VMP1: variants seen among roughly 807,000 people sequenced by gnomAD.
VMP1 encodes vacuole membrane protein 1.
Under a neutral mutation model 56.0 loss-of-function variants are expected in VMP1, and 11 were observed. The observed-to-expected ratio is 0.20, with a 90% CI of 0.12 to 0.32. The LOEUF is 0.32. Ranked by LOEUF, VMP1 falls within the 10% of genes least tolerant of loss-of-function variation. The pLI is 1.00. For synonymous variants in VMP1, 149 were observed against 165.0 expected (o/e 0.90, Z 0.74); for missense variants, 296 against 490.3 (o/e 0.60, Z 3.74).
chr17:59,709,096 T>C (rs1468700212), intron 1 of VMP1, among the ~76,000 whole-genome samples: 1 of 152,186 alleles, frequency 6.6e-6, no homozygotes, highest in Non-Finnish European at 1.5e-5. Flanking sequence ...GTTAAATCAG[T>C]TTGTCAGTTT....
chr17:59,771,795 G>C (rs1466164091), intron 6 of VMP1, among the ~76,000 whole-genome samples: 4 of 151,448 alleles, frequency 2.6e-5, no homozygotes, highest in Non-Finnish European at 5.9e-5. Flanking sequence ...TGCCCAGGCT[G>C]TTCTTGAGCT....
chr17:59,715,283 A>G (rs1215176496), intron 1 of VMP1, among the ~76,000 whole-genome samples: 1 of 152,160 alleles, frequency 6.6e-6, no homozygotes, highest in Non-Finnish European at 1.5e-5. Flanking sequence ...GAGACTGGGT[A>G]ATTTATAAAG....
At chr17:59,823,989 C>T (rs1278012843) in intron 10 of VMP1, among the ~76,000 whole-genome samples, 2 of 152,120 alleles carry the variant, frequency 1.3e-5, no homozygotes, top group Non-Finnish European at 2.9e-5. Flanking sequence ...CCGGGCCGGG[C>T]GCAGAGGCTC....
chr17:59,817,651 T>G, intron 9 of VMP1, 61 bp from the exon 10 acceptor site: 3 of 1,299,232 alleles, frequency 2.3e-6, no homozygotes, highest in African/African-American at 3.0e-5. Flanking sequence ...ACCAGAATTG[T>G]GAATTTATGT....
At chr17:59,832,069 C>A (rs932030686) in intron 10 of VMP1, among the ~76,000 whole-genome samples, 20 of 151,090 alleles carry the variant, frequency 1.3e-4, no homozygotes, top group African/African-American at 4.1e-4. Context: ...TTTAATCTTA[C>A]ATTTGCTGTT....
At chr17:59,744,467 A>C (rs2035348210) in intron 5 of VMP1, among the ~76,000 whole-genome samples, 1 of 150,310 alleles carries the variant, frequency 6.7e-6, no homozygotes, top group African/African-American at 2.4e-5. Flanking sequence ...CATCTCAAAA[A>C]AAAAAAAAAA....
chr17:59,796,760 A>C (rs1156784555), intron 7 of VMP1, among the ~76,000 whole-genome samples: 1 of 152,224 alleles, frequency 6.6e-6, no homozygotes, highest in Non-Finnish European at 1.5e-5. Context: ...CATTCTTTAG[A>C]ACCATCTGTA....
chr17:59,813,006 A>C (rs2038105149), intron 9 of VMP1, among the ~76,000 whole-genome samples: 1 of 152,134 alleles, frequency 6.6e-6, no homozygotes, highest in African/African-American at 2.4e-5. Flanking sequence ...GTCTATCCCC[A>C]AAGTTTCTAT....
Position 59,780,526 on chromosome 17 carries a change from A to G in VMP1, c.714+6641A>G, listed in dbSNP as rs553060400. The stretch of plus-strand genomic sequence containing the variant: ...TCCAGGTTAATGCAATAAAAAGTGA[A>G]GAACTAGTTTTTTCCTCCTATATTG... On this transcript the variant is annotated intron_variant, in intron 7 of 11. Transcript: ENST00000262291. Among the ~76,000 whole-genome samples, 4 of 152,320 alleles carry G rather than the reference A, an allele frequency of 2.6e-5. No individual in the cohort carries two copies. In the East Asian group the frequency reaches 5.8e-4, roughly 22 times the overall value.
At chr17:59,809,959 A>G (rs2037999788) in intron 8 of VMP1, among the ~76,000 whole-genome samples, 1 of 152,188 alleles carries the variant, frequency 6.6e-6, no homozygotes, top group African/African-American at 2.4e-5. Context: ...CCAATGAAGA[A>G]TATACTACAT....
intron 11 of VMP1, chr17:59,839,506 A>G (rs906468704): frequency 4.9e-6 from 2 of 404,188 alleles, no homozygotes; most frequent in Non-Finnish European, 8.7e-6. Context: ...CTTAGGTCCT[A>G]GTAGAAGAGC....
chr17:59,835,115 G>GT (rs959046838), intron 10 of VMP1, among the ~76,000 whole-genome samples: 65 of 151,214 alleles, frequency 4.3e-4, no homozygotes, highest in African/African-American at 1.3e-3. Context: ...AGGCTGTTTT[G>GT]TTTTTTTGCT....
intron 7 of VMP1, among the ~76,000 whole-genome samples, chr17:59,797,930 G>T (rs1235819978): frequency 6.6e-6 from 1 of 152,146 alleles, no homozygotes; most frequent in Non-Finnish European, 1.5e-5. Flanking sequence ...TTCAAAAATA[G>T]GAAAAGCTAA....
intron 7 of VMP1, among the ~76,000 whole-genome samples, chr17:59,801,492 G>A (rs1830589768): frequency 6.6e-6 from 1 of 151,938 alleles, no homozygotes; most frequent in South Asian, 2.1e-4. Context: ...AGGCTCGAGT[G>A]ATCCTCCCAT....
At chr17:59,785,758 G>A (rs1346740532) in intron 7 of VMP1, among the ~76,000 whole-genome samples, 1 of 150,020 alleles carries the variant, frequency 6.7e-6, no homozygotes, top group Non-Finnish European at 1.5e-5. Context: ...CAATTAGCTT[G>A]TCTTTCTGTT....
chr17:59,722,432 A>T (rs1445931792), intron 1 of VMP1, among the ~76,000 whole-genome samples: 1 of 152,036 alleles, frequency 6.6e-6, no homozygotes, highest in Admixed American at 6.6e-5. Flanking sequence ...AGTCCCCTTA[A>T]ATTATTTTTT....
intron 5 of VMP1, among the ~76,000 whole-genome samples, chr17:59,748,635 A>G (rs1231927738): frequency 1.3e-5 from 2 of 152,224 alleles, no homozygotes; most frequent in African/African-American, 4.8e-5. Context: ...TATTCAATAA[A>G]TGATTGCTGC....
intron 10 of VMP1, among the ~76,000 whole-genome samples, chr17:59,826,733 C>A (rs2038656730): frequency 6.6e-6 from 1 of 152,126 alleles, no homozygotes; most frequent in Admixed American, 6.5e-5. Context: ...GAGATAGGAT[C>A]AATTCTGGAG....
At chr17:59,785,130 T>G (rs951403765) in intron 7 of VMP1, 1 of 152,190 alleles carries the variant, frequency 6.6e-6, no homozygotes, top group African/African-American at 2.4e-5. Flanking sequence ...CGGGAGTGGT[T>G]GTGGTATTTT....
Sources: allele counts gnomAD v4.1 joint callset (sites outside exome capture counted in the v4.1 genomes callset), GRCh38; gene constraint gnomAD v4.1.1; transcripts MANE v1.5; gene names NCBI Gene and HGNC (gene_info 2026-07-23, HGNC 2026-07-21).